QARS1: variants seen among roughly 807,000 people sequenced by gnomAD.
QARS1 encodes glutamine--tRNA ligase.
QARS1 carries 79 observed loss-of-function variants against 106.9 expected under a neutral mutation model. That is an observed-to-expected ratio of 0.74 (90% confidence interval 0.62 to 0.89). The LOEUF (loss-of-function observed/expected upper bound fraction) is 0.89, where lower values mean the gene tolerates loss of function less well. Ranked by LOEUF, QARS1 falls within the 40% of genes least tolerant of loss-of-function variation. The pLI is 0.00. For synonymous variants in QARS1, 395 were observed against 367.7 expected (o/e 1.07, Z -0.85); for missense variants, 966 against 997.2 (o/e 0.97, Z 0.42).
At position 49,100,556 on chromosome 3, in the gene QARS1, G is replaced by A; in HGVS notation, c.976+19C>T. 6.3e-7 allele frequency: 1 copy of A among 1,593,582 alleles called. No individual in the cohort carries two copies. The highest frequency in any genetic ancestry group is 8.6e-7 in the Non-Finnish European group (1 of 1,161,366). On this transcript the variant is annotated intron_variant, in intron 11 of 23. Coordinates refer to ENST00000306125, the MANE Select transcript of QARS1 (RefSeq NM_005051.3). Reference sequence around the variant, plus strand: ...GGCCCACTAACCACCAGCCCTTCTAGGCTTTGCCTAGTCCATACCTAGCCA... The same window carrying A: ...GGCCCACTAACCACCAGCCCTTCTAAGCTTTGCCTAGTCCATACCTAGCCA...
chr3:49,099,179 G>T lies in QARS1; in HGVS notation c.1689C>A (p.Asp563Glu). Residue 563 changes from aspartate (D) to glutamate (E), a missense_variant, in exon 18 of 24, where the codon GAC (aspartate) becomes GAA (glutamate). By Grantham distance (45) the Asp-to-Glu change is conservative. Transcript: ENST00000306125. The part of the protein sequence containing the change: ...LEACVRDVLN[D>E]TAPRAMAVLE... ...GCACAGCCATGGCTCGTGGGGCTGT[G>T]TCATTCAGCACATCACGCACACAGG... The T allele has an allele frequency of 6.2e-7, 1 of 1,614,176 alleles. No homozygotes were observed. The highest frequency in any genetic ancestry group is 1.1e-5 in the South Asian group (1 of 91,082).
chr3:49,102,447 A>G lies in QARS1; in HGVS notation c.542T>C (p.Leu181Ser). Residue 181 changes from leucine (L) to serine (S), a missense_variant, in exon 6 of 24, where the codon TTG (leucine) becomes TCG (serine). Leu to Ser is a moderately radical substitution (Grantham distance 145). Transcript: ENST00000306125. The part of the protein sequence containing the change: ...MQVLHLLGPK[L>S]EADLEKKFKV... ...GAACTTCTTCTCCAGATCAGCCTCC[A>G]ACTTGGGGCCCAGAAGGTGGAGGAC... 1 of 1,614,126 alleles carries G rather than the reference A, an allele frequency of 6.2e-7. No homozygotes were observed. Among genetic ancestry groups the G allele is most frequent in the Non-Finnish European group, 8.5e-7 (1 of 1,180,024 alleles).
At chr3:49,096,191 C>T (rs924214432) in intron 23 of QARS1, 112 bp from the exon 24 acceptor site, 28 of 1,170,474 alleles carry the variant, frequency 2.4e-5, no homozygotes, top group Admixed American at 1.1e-4. Flanking sequence ...CCAAAGAAGC[C>T]GAGGGACTAA....
chr3:49,103,753 T>G, intron 3 of QARS1, 47 bp from the exon 4 acceptor site: 1 of 1,606,862 alleles, frequency 6.2e-7, no homozygotes, highest in Non-Finnish European at 8.5e-7. Context: ...CCTTTAGAGA[T>G]ATTCTGGGAA....
chr3:49,096,421 TG>T (rs1342542849), intron 23 of QARS1, among the ~76,000 whole-genome samples: 1 of 152,122 alleles, frequency 6.6e-6, no homozygotes, highest in Non-Finnish European at 1.5e-5. Flanking sequence ...CTCAGCACTT[TG>T]GGAGGCTGAG....
At chr3:49,097,871 T>C (rs2042411446) in intron 23 of QARS1, 121 bp downstream of exon 23, 2 of 1,394,068 alleles carry the variant, frequency 1.4e-6, no homozygotes, top group African/African-American at 1.4e-5. Context: ...TAGTAGAATA[T>C]GAATACCAAC....
Position 49,098,915 on chromosome 3 carries a change from A to G in QARS1, c.1833T>C (p.Ile611=). 1 of 1,614,026 alleles carries G rather than the reference A, an allele frequency of 6.2e-7. No homozygotes were observed. The highest frequency in any genetic ancestry group is 8.5e-7 in the Non-Finnish European group (1 of 1,179,910). ...TGAAGTCAGTCCTCTCAATGAAGAC[A>G]ATGGGTGCAAAGGGAACCTGATGGA... is the stretch of plus-strand genomic sequence containing the variant. ...KGFHQVPFAP[I]VFIERTDFKE... Residue 611 remains isoleucine, a synonymous_variant, in exon 19 of 24, where the codon ATT becomes ATC. Coordinates refer to ENST00000306125, the MANE Select transcript of QARS1 (RefSeq NM_005051.3).
intron 12 of QARS1, 32 bp from the exon 13 acceptor site, chr3:49,100,330 G>A (rs1339812135): frequency 6.2e-7 from 1 of 1,613,952 alleles, no homozygotes; most frequent in Non-Finnish European, 8.5e-7. Context: ...GCCCAGCATG[G>A]CTGTGACCTA....
rs149070379 is a variant in QARS1, at chr3:49,099,948, A to C, written c.1295+13T>G. 1 of 1,613,492 alleles carries C rather than the reference A, an allele frequency of 6.2e-7. No homozygotes were observed. The highest frequency in any genetic ancestry group is 1.7e-5 in the Admixed American group (1 of 59,978). The stretch of plus-strand genomic sequence containing the variant: ...CTCGGCAGCCCCACCACCCCACCCC[A>C]TTCTACACCCACCATTTGTCCCCTG... On this transcript the variant is annotated intron_variant, in intron 14 of 23. Coordinates refer to ENST00000306125, the MANE Select transcript of QARS1 (RefSeq NM_005051.3).
chr3:49,103,353 C>G lies in QARS1; in HGVS notation c.508G>C (p.Asp170His). The G allele has an allele frequency of 1.2e-6, 2 of 1,614,076 alleles. No homozygotes were observed. Among genetic ancestry groups the G allele is most frequent in the Non-Finnish European group, 1.7e-6 (2 of 1,180,014 alleles). The stretch of plus-strand genomic sequence containing the variant: ...TAGTGAAGCACGCTCACCTGCATGT[C>G]CACTTCATTCTTGATCATTTTGCCA... ...ADGKMIKNEV[D>H]MQVLHLLGPK... Residue 170 changes from aspartate (D) to histidine (H), a missense_variant, in exon 5 of 24, where the codon GAC (aspartate) becomes CAC (histidine). By Grantham distance (81) the Asp-to-His change is moderately conservative. Coordinates refer to ENST00000306125, the MANE Select transcript of QARS1 (RefSeq NM_005051.3).
chr3:49,095,942 T>C lies in QARS1; in HGVS notation c.*87A>G. On this transcript the variant is annotated 3_prime_UTR_variant, in exon 24 of 24. Transcript: ENST00000306125. Reference sequence around the variant, plus strand: ...AGATAACACACAGACTCTAGGAGAATTTAGCTGTTCTTTATTGACATGGAA... The same window carrying C: ...AGATAACACACAGACTCTAGGAGAACTTAGCTGTTCTTTATTGACATGGAA... 7 of 1,271,164 alleles carry C rather than the reference T, an allele frequency of 5.5e-6. No individual in the cohort carries two copies. The highest frequency in any genetic ancestry group is 2.6e-5 in the South Asian group (2 of 78,278). The allele number at this position is 1,271,164 out of a possible 1,614,324, so 78.7% of individuals were successfully genotyped here.
chr3:49,101,704 A>C lies in QARS1; in HGVS notation c.705T>G (p.Gly235=), dbSNP rs199583633. ...RGEALKFHKP[G]ENYKTPGYVV... ...CATAGCCTGGGGTCTTGTAGTTCTC[A>C]CCTGCCAGGACCAGAATAAGCCTAA... The change falls in exon 9 of 24, where the codon GGT becomes GGG. Residue 235 remains glycine, a splice_region_variant and synonymous_variant. Transcript: ENST00000306125. The C allele has an allele frequency of 6.2e-7, 1 of 1,614,006 alleles. No individual in the cohort carries two copies. Among genetic ancestry groups the C allele is most frequent in the Non-Finnish European group, 8.5e-7 (1 of 1,179,982 alleles).
Position 49,104,308 on chromosome 3 carries a change from C to T in QARS1, c.265+16G>A, listed in dbSNP as rs1293884294. Reference sequence around the variant, plus strand: ...GAGGCATTGGTGCGAACTGGCAGGACAGGTAGGGGTCTCACCGCTTAGCTG... The same window carrying T: ...GAGGCATTGGTGCGAACTGGCAGGATAGGTAGGGGTCTCACCGCTTAGCTG... On this transcript the variant is annotated intron_variant, in intron 2 of 23. Coordinates refer to ENST00000306125, the MANE Select transcript of QARS1 (RefSeq NM_005051.3). 6.2e-7 allele frequency: 1 copy of T among 1,612,986 alleles called. No individual in the cohort carries two copies. Among genetic ancestry groups the T allele is most frequent in the East Asian group, 2.2e-5 (1 of 44,884 alleles).
chr3:49,098,159 C>A lies in QARS1; in HGVS notation c.2151+33G>T, dbSNP rs776328858. On this transcript the variant is annotated intron_variant, in intron 22 of 23. Coordinates refer to ENST00000306125, the MANE Select transcript of QARS1 (RefSeq NM_005051.3). ...CAGGCAACCATCCAACCAGGGAGGCCTACCTCCCTCACCCCAAACCTCATG... is the reference window on the plus strand; with the variant it reads ...CAGGCAACCATCCAACCAGGGAGGCATACCTCCCTCACCCCAAACCTCATG... 6 of 1,613,586 alleles carry A rather than the reference C, an allele frequency of 3.7e-6. No homozygotes were observed. In the Admixed American group the frequency reaches 1.0e-4, roughly 27 times the overall value.
intron 10 of QARS1, among the ~76,000 whole-genome samples, chr3:49,100,998 T>G (rs576971131): frequency 2.9e-4 from 44 of 152,292 alleles, no homozygotes; most frequent in Non-Finnish European, 6.2e-4. Flanking sequence ...CACTTTAGCC[T>G]CCCGAAGTGT....
chr3:49,104,312 T>C lies in QARS1; in HGVS notation c.265+12A>G. 6.2e-7 allele frequency: 1 copy of C among 1,613,480 alleles called. No homozygotes were observed. On this transcript the variant is annotated intron_variant, in intron 2 of 23. Transcript: ENST00000306125. ...CATTGGTGCGAACTGGCAGGACAGG[T>C]AGGGGTCTCACCGCTTAGCTGGGGC...
At position 49,098,962 on chromosome 3, in the gene QARS1, G is replaced by A. The variant is rs1271518024; in HGVS notation, c.1786C>T (p.Pro596Ser). ...KSLDIQVPNF[P>S]ADETKGFHQV... ...TGGAAGCCTTTGGTCTCATCAGCTGGGAAGTTGGGCACCTGGATGTCCAAG... is the reference window on the plus strand; with the variant it reads ...TGGAAGCCTTTGGTCTCATCAGCTGAGAAGTTGGGCACCTGGATGTCCAAG... The change falls in exon 19 of 24, where the codon CCA (proline) becomes TCA (serine). Residue 596 changes from proline to serine, a missense_variant. Pro to Ser is a moderately conservative substitution (Grantham distance 74). Transcript: ENST00000306125. 8.7e-6 allele frequency: 14 copies of A among 1,614,084 alleles called. No homozygotes were observed. The highest frequency in any genetic ancestry group is 1.1e-5 in the South Asian group (1 of 91,080).
intron 23 of QARS1, among the ~76,000 whole-genome samples, chr3:49,096,438 CAGAT>C (rs1283117831): frequency 6.6e-6 from 1 of 152,082 alleles, no homozygotes; most frequent in African/African-American, 2.4e-5. Flanking sequence ...CTGAGACAGG[CAGAT>C]AATCTGAGGT....
At chr3:49,099,481 C>A (rs771589942) in intron 16 of QARS1, 29 bp downstream of exon 16, 5 of 1,614,168 alleles carry the variant, frequency 3.1e-6, no homozygotes, top group Non-Finnish European at 4.2e-6. Flanking sequence ...ATGCCATTAA[C>A]CTTTCATAAG....
Sources: gnomAD v4.1 joint callset for allele counts (sites outside exome capture counted in the v4.1 genomes callset) on GRCh38, gnomAD v4.1.1 for gene constraint, MANE v1.5 for transcripts, NCBI Gene and HGNC (gene_info 2026-07-23, HGNC 2026-07-21) for gene names.